ANO10: variants seen among roughly 807,000 people sequenced by gnomAD.
ANO10 encodes anoctamin 10.
In ANO10, 77 loss-of-function variants were observed where a neutral mutation model predicts 74.7. The ratio of observed to expected loss-of-function variants is 1.03; its 90% CI spans 0.86 to 1.25. ANO10 has a LOEUF of 1.25. ANO10 is among the 50% of genes most tolerant of loss of function. The pLI, the probability that ANO10 is intolerant of heterozygous loss-of-function variation, is 0.00. For synonymous variants in ANO10, 279 were observed against 284.9 expected, an observed-to-expected ratio of 0.98 and a Z score of 0.21; for missense variants, 721 against 778.1, an observed-to-expected ratio of 0.93 and a Z score of 0.87.
chr3:43,584,965 G>A (rs948104482), intron 4 of ANO10, among the ~76,000 whole-genome samples: 27 of 152,070 alleles, frequency 1.8e-4, no homozygotes, highest in African/African-American at 6.3e-4. Context: ...CTGCCCAGGG[G>A]AGCAGCTGCC....
chr3:43,663,602 C>T (rs1205192582), intron 1 of ANO10, among the ~76,000 whole-genome samples: 1 of 152,178 alleles, frequency 6.6e-6, no homozygotes, highest in African/African-American at 2.4e-5. Context: ...TTCAAATTGT[C>T]TCTGTTTGCA....
At chr3:43,442,321 A>C (rs1342441781) in intron 11 of ANO10, among the ~76,000 whole-genome samples, 2 of 152,262 alleles carry the variant, frequency 1.3e-5, no homozygotes, top group East Asian at 3.9e-4. Flanking sequence ...CTAATAAATG[A>C]ACTCAGCAGA....
intron 1 of ANO10, among the ~76,000 whole-genome samples, chr3:43,614,545 T>C (rs1214059324): frequency 2.6e-5 from 4 of 151,956 alleles, no homozygotes. Flanking sequence ...AATAAGATAC[T>C]TTTCCCTTTT....
intron 11 of ANO10, among the ~76,000 whole-genome samples, chr3:43,443,354 G>A (rs918047066): frequency 3.3e-5 from 5 of 152,228 alleles, no homozygotes; most frequent in Admixed American, 1.3e-4. Context: ...TTCAGTTAAT[G>A]AGAACTCAGG....
chr3:43,591,185 C>T (rs1163530862), intron 4 of ANO10, among the ~76,000 whole-genome samples: 2 of 152,172 alleles, frequency 1.3e-5, no homozygotes, highest in African/African-American at 4.8e-5. Flanking sequence ...AGCTTTTGCT[C>T]ACCATCCACC....
intron 10 of ANO10, 77 bp from the exon 11 acceptor site, chr3:43,549,925 A>G (rs2079382654): frequency 1.3e-6 from 2 of 1,510,808 alleles, no homozygotes; most frequent in Non-Finnish European, 1.8e-6. Flanking sequence ...ATGTTATCTA[A>G]AAATCAAGGA....
chr3:43,566,118 C>A (rs1043489250), intron 7 of ANO10, among the ~76,000 whole-genome samples: 3 of 152,210 alleles, frequency 2.0e-5, no homozygotes, highest in Admixed American at 1.3e-4. Flanking sequence ...GAATACTGCG[C>A]TTTTCCGACG....
intron 7 of ANO10, among the ~76,000 whole-genome samples, chr3:43,567,012 A>C (rs887156842): frequency 3.9e-5 from 6 of 152,188 alleles, no homozygotes; most frequent in African/African-American, 9.7e-5. Context: ...CTGAAAACCA[A>C]GGCTCGAGAA....
chr3:43,466,392 C>CAAACA lies in ANO10; in HGVS notation c.1798-33666_1798-33665insTGTTT, dbSNP rs1553677088. On this transcript the variant is annotated intron_variant, in intron 11 of 12. Coordinates refer to ENST00000292246, the MANE Select transcript of ANO10 (RefSeq NM_018075.5). ...CTCAAAAAAAAAAAAAAAAAACAAACAAAAAAACCAGTAATCAACACATAA... is the reference window on the plus strand; with the variant it reads ...CTCAAAAAAAAAAAAAAAAAACAAACAAACAAAAAAAACCAGTAATCAACACATAA... Among the ~76,000 whole-genome samples the CAAACA allele has an allele frequency of 4.8e-5, 6 of 124,838 alleles. 1 individual carries two copies. The highest frequency in any genetic ancestry group is 1.5e-4 in the African/African-American group (5 of 33,124). 81.9% of individuals were successfully genotyped at this position (124,838 alleles called of 152,430 possible). A position where few individuals can be genotyped will look rare whatever the true frequency, so the allele number is the denominator to read the frequency against.
intron 11 of ANO10, among the ~76,000 whole-genome samples, chr3:43,477,208 G>A (rs2076098886): frequency 6.6e-6 from 1 of 152,156 alleles, no homozygotes; most frequent in Non-Finnish European, 1.5e-5. Flanking sequence ...ATGATATGAT[G>A]TTGAGAAGAT....
chr3:43,560,592 T>A (rs2079982474), intron 9 of ANO10, among the ~76,000 whole-genome samples: 2 of 152,086 alleles, frequency 1.3e-5, no homozygotes, highest in South Asian at 2.1e-4. Flanking sequence ...CTAAAAAAAA[T>A]GTGAAATATA....
chr3:43,506,434 G>A (rs2077296753), intron 11 of ANO10, among the ~76,000 whole-genome samples: 1 of 152,020 alleles, frequency 6.6e-6, no homozygotes, highest in African/African-American at 2.4e-5. Context: ...CATATCCTGT[G>A]CATTTTACAG....
intron 11 of ANO10, among the ~76,000 whole-genome samples, chr3:43,548,917 T>A (rs575628067): frequency 2.0e-5 from 3 of 152,310 alleles, no homozygotes; most frequent in Admixed American, 2.0e-4. Flanking sequence ...GCATGTGAAA[T>A]TATCTATCGT....
Position 43,615,116 on chromosome 3 carries a change from C to G in ANO10, c.-12+6793G>C, listed in dbSNP as rs542069635. ...GTAATATCAAAATAACACCAGCTAT[C>G]ATTTGCTAATGATTTACCACATGCA... On this transcript the variant is annotated intron_variant, in intron 1 of 12. Transcript: ENST00000292246. Among the ~76,000 whole-genome samples the G allele has an allele frequency of 2.2e-3, 336 of 152,116 alleles. 2 individuals carry two copies. The highest frequency in any genetic ancestry group is 7.8e-3 in the African/African-American group (323 of 41,534).
intron 12 of ANO10, among the ~76,000 whole-genome samples, chr3:43,368,240 G>A (rs1352937711): frequency 1.3e-5 from 2 of 152,108 alleles, no homozygotes; most frequent in African/African-American, 2.4e-5. Flanking sequence ...GATGGCTTTT[G>A]ATGAGAAAGG....
intron 11 of ANO10, among the ~76,000 whole-genome samples, chr3:43,486,131 G>T (rs2076477358): frequency 6.6e-6 from 1 of 152,152 alleles, no homozygotes; most frequent in South Asian, 2.1e-4. Context: ...ACAGATCTGG[G>T]AGAGATTGAG....
At chr3:43,590,160 T>C (rs2081663457) in intron 4 of ANO10, among the ~76,000 whole-genome samples, 1 of 152,212 alleles carries the variant, frequency 6.6e-6, no homozygotes, top group Non-Finnish European at 1.5e-5. Context: ...CTGCCATATG[T>C]TATACAAATT....
At chr3:43,411,707 A>G (rs1209629540) in intron 12 of ANO10, among the ~76,000 whole-genome samples, 4 of 152,190 alleles carry the variant, frequency 2.6e-5, no homozygotes, top group East Asian at 1.9e-4. Context: ...GCTACAAAAA[A>G]GCAGATGGTT....
intron 12 of ANO10, among the ~76,000 whole-genome samples, chr3:43,423,494 T>C (rs887742138): frequency 2.6e-5 from 4 of 152,076 alleles, no homozygotes; most frequent in African/African-American, 9.7e-5. Flanking sequence ...CAGAACAAAC[T>C]ATAGTGGGGC....
Sources: allele counts gnomAD v4.1 joint callset (sites outside exome capture counted in the v4.1 genomes callset), GRCh38; gene constraint gnomAD v4.1.1; transcripts MANE v1.5; gene names NCBI Gene and HGNC (gene_info 2026-07-23, HGNC 2026-07-21).